Variants in DAPK1 observed in about 807,000 individuals in gnomAD.
DAPK1 encodes death-associated protein kinase 1.
A neutral mutation model predicts 144.9 loss-of-function variants in DAPK1; 56 were observed. The ratio of observed to expected loss-of-function variants is 0.39; its 90% CI spans 0.31 to 0.48. The LOEUF is 0.48. DAPK1 is among the 20% of genes least tolerant of loss of function. DAPK1 has a pLI of 0.95. For synonymous variants in DAPK1, 690 were observed against 749.0 expected, an observed-to-expected ratio of 0.92 and a Z score of 1.29; for missense variants, 1,454 against 1,875.4, an observed-to-expected ratio of 0.78 and a Z score of 4.15.
At chr9:87,659,300 C>G (rs1396635447) in intron 18 of DAPK1, among the ~76,000 whole-genome samples, 1 of 152,090 alleles carries the variant, frequency 6.6e-6, no homozygotes, top group Non-Finnish European at 1.5e-5. Context: ...AGGCCCCTTT[C>G]TAGGGCACCT....
chr9:87,548,438 T>C (rs917720536), intron 2 of DAPK1, among the ~76,000 whole-genome samples: 1 of 152,198 alleles, frequency 6.6e-6, no homozygotes, highest in Non-Finnish European at 1.5e-5. Context: ...TGGACTACAT[T>C]TCTCCTGTTC....
At chr9:87,533,475 C>A (rs371343614) in intron 2 of DAPK1, among the ~76,000 whole-genome samples, 2 of 152,190 alleles carry the variant, frequency 1.3e-5, no homozygotes, top group Non-Finnish European at 2.9e-5. Flanking sequence ...CTGGAAGGCA[C>A]CTGCTCCTGT....
Position 87,673,190 on chromosome 9 carries a change from C to T in DAPK1, c.2001+4516C>T, listed in dbSNP as rs550786036. On this transcript the variant is annotated intron_variant, in intron 19 of 25. Coordinates refer to ENST00000408954, the MANE Select transcript of DAPK1 (RefSeq NM_004938.4). ...TGAAAACCAAAAGAATCCCTCCACA[C>T]ATTTTCTCTCAACCCCTAGGGTGCT... Among the ~76,000 whole-genome samples, 4 of 152,238 alleles carry T rather than the reference C, an allele frequency of 2.6e-5. No individual in the cohort carries two copies. In the South Asian group the frequency reaches 8.3e-4, roughly 32 times the overall value.
intron 18 of DAPK1, among the ~76,000 whole-genome samples, chr9:87,663,328 A>G (rs1830930045): frequency 1.3e-5 from 2 of 152,194 alleles, no homozygotes; most frequent in African/African-American, 4.8e-5. Context: ...CCATAAGACA[A>G]ACACCTTTGA....
chr9:87,692,209 A>G (rs893122594), intron 21 of DAPK1, among the ~76,000 whole-genome samples: 2 of 150,956 alleles, frequency 1.3e-5, no homozygotes, highest in African/African-American at 4.9e-5. Context: ...CTTCTTGCTG[A>G]ATTGATCCCT....
At chr9:87,619,262 C>T (rs536993528) in intron 3 of DAPK1, among the ~76,000 whole-genome samples, 27 of 152,288 alleles carry the variant, frequency 1.8e-4, no homozygotes, top group African/African-American at 6.5e-4. Flanking sequence ...ACATACTGTA[C>T]TGTATTTTAA....
intron 2 of DAPK1, among the ~76,000 whole-genome samples, chr9:87,592,431 A>G (rs1828171321): frequency 6.6e-6 from 1 of 152,202 alleles, no homozygotes; most frequent in Admixed American, 6.5e-5. Flanking sequence ...CATATTCCAC[A>G]CTTTTTTGGA....
intron 2 of DAPK1, among the ~76,000 whole-genome samples, chr9:87,552,509 G>T (rs1171426994): frequency 6.6e-6 from 1 of 152,060 alleles, no homozygotes; most frequent in East Asian, 1.9e-4. Flanking sequence ...ATAGGCAGTT[G>T]TGGCATCTCT....
intron 2 of DAPK1, among the ~76,000 whole-genome samples, chr9:87,499,766 C>T (rs758622420): frequency 6.6e-6 from 1 of 152,150 alleles, no homozygotes; most frequent in Non-Finnish European, 1.5e-5. Flanking sequence ...CAGAGCATAC[C>T]TCCATTGCTG....
chr9:87,507,860 T>G (rs1824667840), intron 2 of DAPK1, among the ~76,000 whole-genome samples: 1 of 152,228 alleles, frequency 6.6e-6, no homozygotes. Flanking sequence ...ACTGCCTGAT[T>G]ATTCTTATTT....
At chr9:87,645,806 T>TAACA in intron 11 of DAPK1, 89 bp from the exon 12 acceptor site, 2 of 1,517,554 alleles carry the variant, frequency 1.3e-6, no homozygotes, top group Admixed American at 3.6e-5. Flanking sequence ...ATGCCCCTGT[T>TAACA]AACAAGTGAG....
chr9:87,571,593 T>C (rs147626310), intron 2 of DAPK1, among the ~76,000 whole-genome samples: 40 of 151,188 alleles, frequency 2.6e-4, no homozygotes, highest in African/African-American at 8.5e-4. Flanking sequence ...ATTTGATCTG[T>C]CTCCTTGCAA....
chr9:87,538,515 G>A (rs1474590736), intron 2 of DAPK1, among the ~76,000 whole-genome samples: 1 of 152,108 alleles, frequency 6.6e-6, no homozygotes. Flanking sequence ...ACTTTGAAAG[G>A]CCTTTAACTG....
chr9:87,497,490 A>G (rs1010373877), upstream of DAPK1, among the ~76,000 whole-genome samples: 18 of 152,240 alleles, frequency 1.2e-4, no homozygotes, highest in Non-Finnish European at 2.5e-4. Flanking sequence ...TCCCATACCA[A>G]GCACCGTGCC....
chr9:87,639,527 TA>T lies in DAPK1; in HGVS notation c.553+45del, dbSNP rs748477935. On this transcript the variant is annotated intron_variant, in intron 5 of 25. Transcript: ENST00000408954. ...GTGGTCATTTACGTCTCATAAACAT[TA>T]TTCTGGCAAACCTCCCCTGCTAGAA... 10 of 1,610,504 alleles carry T rather than the reference TA, an allele frequency of 6.2e-6. No homozygotes were observed. In the South Asian group the frequency reaches 1.1e-4, roughly 18 times the overall value.
At chr9:87,621,247 G>GATCACCTGGAAGGTCC (rs748265681) in intron 3 of DAPK1, among the ~76,000 whole-genome samples, 27 of 152,178 alleles carry the variant, frequency 1.8e-4, no homozygotes, top group Non-Finnish European at 3.4e-4. Flanking sequence ...GGCTGGAGAT[G>GATCACCTGGAAGGTCC]ATCACCTGGA....
intron 21 of DAPK1, among the ~76,000 whole-genome samples, chr9:87,692,953 T>C (rs948780202): frequency 2.2e-4 from 5 of 22,642 alleles, no homozygotes; most frequent in African/African-American, 1.8e-3. Flanking sequence ...GTGACTAGAC[T>C]TTTTTTTTTT....
chr9:87,599,658 T>C (rs1828441916), intron 2 of DAPK1, among the ~76,000 whole-genome samples: 2 of 152,228 alleles, frequency 1.3e-5, no homozygotes, highest in South Asian at 2.1e-4. Flanking sequence ...TGTCTATATC[T>C]AATGCAACAG....
chr9:87,510,159 C>T (rs976384043), intron 2 of DAPK1, among the ~76,000 whole-genome samples: 2 of 152,182 alleles, frequency 1.3e-5, no homozygotes, highest in Non-Finnish European at 2.9e-5. Flanking sequence ...GCGTTCCTCC[C>T]CACCCCTTCG....
Sources: allele counts gnomAD v4.1 joint callset (sites outside exome capture counted in the v4.1 genomes callset), GRCh38; gene constraint gnomAD v4.1.1; transcripts MANE v1.5; gene names NCBI Gene and HGNC (gene_info 2026-07-23, HGNC 2026-07-21).